ITGB8: variants seen among roughly 807,000 people sequenced by gnomAD.
The protein encoded by ITGB8 is integrin beta-8.
In ITGB8, 30 loss-of-function variants were observed where a neutral mutation model predicts 89.5. That is an observed-to-expected ratio of 0.34 (90% CI 0.25 to 0.45). The LOEUF (loss-of-function observed/expected upper bound fraction) is 0.45. Ranked by LOEUF, ITGB8 falls within the 20% of genes least tolerant of loss-of-function variation. The pLI is 1.00. For synonymous variants in ITGB8, 335 were observed against 320.4 expected, an observed-to-expected ratio of 1.05 and a Z score of -0.49; for missense variants, 836 against 933.3, an observed-to-expected ratio of 0.90 and a Z score of 1.36.
Position 20,380,765 on chromosome 7 carries a change from G to C in ITGB8, c.735G>C (p.Lys245Asn). 6.2e-7 allele frequency: 1 copy of C among 1,613,842 alleles called. No individual in the cohort carries two copies. Among genetic ancestry groups the C allele is most frequent in the Non-Finnish European group, 8.5e-7 (1 of 1,179,746 alleles). Residue 245 changes from lysine (K) to asparagine (N), a missense_variant, in exon 5 of 14, where the codon AAG (lysine) becomes AAC (asparagine). Lys to Asn is a moderately conservative substitution (Grantham distance 94). This residue lies in a region of ITGB8 where 192 missense variants were observed against 267.1 expected (regional missense o/e 0.72). Coordinates refer to ENST00000222573, the MANE Select transcript of ITGB8 (RefSeq NM_002214.3). ...TTGAGAAAGCAGTTCATAGACAGAA[G>C]ATCTCTGGAAACATAGATACACCAG... ...TEFEKAVHRQ[K>N]ISGNIDTPEG...
chr7:20,367,802 C>G (rs1785763049), intron 3 of ITGB8, among the ~76,000 whole-genome samples: 1 of 152,152 alleles, frequency 6.6e-6, no homozygotes, highest in African/African-American at 2.4e-5. Flanking sequence ...TTGTACTTCC[C>G]CTTCCTTCAC....
intron 1 of ITGB8, among the ~76,000 whole-genome samples, chr7:20,355,145 A>ACCCCACTCCTCCC (rs1785248350): frequency 6.6e-6 from 1 of 152,030 alleles, no homozygotes; most frequent in Non-Finnish European, 1.5e-5. Context: ...TGGAACATCA[A>ACCCCACTCCTCCC]CCCGCTCCAA....
intron 11 of ITGB8, among the ~76,000 whole-genome samples, chr7:20,405,374 A>G (rs1787495127): frequency 6.7e-6 from 1 of 150,094 alleles, no homozygotes; most frequent in Non-Finnish European, 1.5e-5. Flanking sequence ...GCTGGAGTGC[A>G]GTGACATGTC....
chr7:20,349,362 A>G (rs573195132), intron 1 of ITGB8, among the ~76,000 whole-genome samples: 1 of 151,672 alleles, frequency 6.6e-6, no homozygotes, highest in South Asian at 2.1e-4. Flanking sequence ...GCGGTTTTTG[A>G]CATTACTTTC....
chr7:20,404,477 G>C (rs1787450910), intron 10 of ITGB8, 151 bp from the exon 11 acceptor site: 1 of 689,114 alleles, frequency 1.5e-6, no homozygotes, highest in Non-Finnish European at 2.6e-6. Flanking sequence ...ATCCAGCACT[G>C]TTTGTGTCAG....
chr7:20,357,850 A>C (rs1365923455), intron 1 of ITGB8, among the ~76,000 whole-genome samples: 1 of 152,262 alleles, frequency 6.6e-6, no homozygotes, highest in Non-Finnish European at 1.5e-5. Context: ...ACATGCTAAC[A>C]AATCCAGAAA....
intron 6 of ITGB8, among the ~76,000 whole-genome samples, chr7:20,386,757 G>A (rs2127968170): frequency 6.6e-6 from 1 of 152,064 alleles, no homozygotes; most frequent in Non-Finnish European, 1.5e-5. Context: ...TTCAAATGGG[G>A]TAAAATTATG....
intron 6 of ITGB8, among the ~76,000 whole-genome samples, chr7:20,383,775 A>G (rs1786498533): frequency 6.6e-6 from 1 of 152,202 alleles, no homozygotes; most frequent in Non-Finnish European, 1.5e-5. Flanking sequence ...TTCTTATGAC[A>G]TCAGGAAATT....
intron 1 of ITGB8, among the ~76,000 whole-genome samples, chr7:20,361,172 G>A (rs149818346): frequency 2.0e-5 from 3 of 152,024 alleles, no homozygotes; most frequent in South Asian, 2.1e-4. Flanking sequence ...GTGTCTGTCC[G>A]TGTTCTTTAT....
chr7:20,414,336 G>A lies in ITGB8; in HGVS notation c.*4339G>A, dbSNP rs1321309954. On this transcript the variant is annotated 3_prime_UTR_variant, in exon 14 of 14. Transcript: ENST00000222573. ...CTTGAGTTTACAAAAGCTCTTTCAG[G>A]TCCCCATTTATACTTTACGTGAGTG... The A allele has an allele frequency of 3.3e-5, 5 of 152,078 alleles. No homozygotes were observed. Among genetic ancestry groups the A allele is most frequent in the Non-Finnish European group, 7.4e-5 (5 of 67,966 alleles). 9.4% of individuals were successfully genotyped at this position (152,078 alleles called of 1,614,324 possible).
intron 4 of ITGB8, 23 bp from the exon 5 acceptor site, chr7:20,380,643 A>T: frequency 6.3e-7 from 1 of 1,597,568 alleles, no homozygotes; most frequent in South Asian, 1.1e-5. Flanking sequence ...AATAAACTTT[A>T]CACTTCTTCT....
chr7:20,355,771 G>C (rs6968646), intron 1 of ITGB8, among the ~76,000 whole-genome samples: 34,849 of 152,182 alleles, frequency 0.23, 5,038 homozygotes, highest in Non-Finnish European at 0.32. Flanking sequence ...TAGGCTGGGC[G>C]ACACTGCAAG....
chr7:20,348,063 G>A (rs1784988562), intron 1 of ITGB8, among the ~76,000 whole-genome samples: 1 of 152,156 alleles, frequency 6.6e-6, no homozygotes, highest in South Asian at 2.1e-4. Context: ...TCTAATAAGA[G>A]AACAAAGACA....
At position 20,410,391 on chromosome 7, in the gene ITGB8, T is replaced by C. The variant is rs927237015; in HGVS notation, c.*394T>C. The C allele has an allele frequency of 5.9e-6, 1 of 170,616 alleles. No individual in the cohort carries two copies. Among genetic ancestry groups the C allele is most frequent in the Middle Eastern group, 2.6e-3 (1 of 380 alleles). The allele number at this position is 170,616 out of a possible 1,614,324, so 10.6% of individuals were successfully genotyped here. On this transcript the variant is annotated 3_prime_UTR_variant, in exon 14 of 14. Coordinates refer to ENST00000222573, the MANE Select transcript of ITGB8 (RefSeq NM_002214.3). The stretch of plus-strand genomic sequence containing the variant: ...GTCACTACAAGGGTACAGTAATCCC[T>C]GCACTGGACATGTGAGGAAAAAAAT...
chr7:20,404,697 C>T lies in ITGB8; in HGVS notation c.1757C>T (p.Pro586Leu), dbSNP rs750980773. 1.2e-6 allele frequency: 2 copies of T among 1,614,152 alleles called. No individual in the cohort carries two copies. The highest frequency in any genetic ancestry group is 1.7e-6 in the Non-Finnish European group (2 of 1,180,036). Reference protein sequence around the residue: ...SGWEGDRCQCPSAAAQHCVNS... With the variant: ...SGWEGDRCQCLSAAAQHCVNS... ...TGGGAAGGTGATCGATGCCAGTGCC[C>T]TTCAGCAGCAGCCCAGCACTGTGTC... The change falls in exon 11 of 14, where the codon CCT becomes CTT. Residue 586 changes from proline (P) to leucine (L), a missense_variant. Pro to Leu is a moderately conservative substitution (Grantham distance 98). Coordinates refer to ENST00000222573, the MANE Select transcript of ITGB8 (RefSeq NM_002214.3).
intron 10 of ITGB8, among the ~76,000 whole-genome samples, chr7:20,403,479 A>C (rs757658630): frequency 1.3e-5 from 2 of 152,196 alleles, no homozygotes; most frequent in Non-Finnish European, 2.9e-5. Context: ...GTTTCTGTGT[A>C]AGTGCAGACT....
chr7:20,358,827 A>T (rs1583487131), intron 1 of ITGB8, among the ~76,000 whole-genome samples: 1 of 152,234 alleles, frequency 6.6e-6, no homozygotes, highest in Non-Finnish European at 1.5e-5. Context: ...TACTAAGCAT[A>T]GTACCTGACA....
chr7:20,331,812 C>T lies in ITGB8; in HGVS notation c.6C>T (p.Cys2=). The T allele has an allele frequency of 6.2e-7, 1 of 1,612,612 alleles. No homozygotes were observed. The highest frequency in any genetic ancestry group is 8.5e-7 in the Non-Finnish European group (1 of 1,179,908). M[C]GSALAFFTAA... ...GGGGCGGGCTGTTTTGCATTATGTG[C>T]GGCTCGGCCCTGGCTTTTTTTACCG... The change falls in exon 1 of 14, where the codon TGC becomes TGT. Residue 2 remains cysteine (C), a synonymous_variant. Coordinates refer to ENST00000222573, the MANE Select transcript of ITGB8 (RefSeq NM_002214.3).
At chr7:20,339,235 C>A (rs528886583) in intron 1 of ITGB8, among the ~76,000 whole-genome samples, 1 of 149,194 alleles carries the variant, frequency 6.7e-6, no homozygotes, top group African/African-American at 2.5e-5. Context: ...ATTTTACTGA[C>A]ATGAATGACC....
Sources: gnomAD v4.1 joint callset for allele counts (sites outside exome capture counted in the v4.1 genomes callset) on GRCh38, gnomAD v4.1.1 for gene constraint, gnomAD v4.1.1 regional missense constraint, MANE v1.5 for transcripts, NCBI Gene and HGNC (gene_info 2026-07-23, HGNC 2026-07-21) for gene names.